Variants in ENOX2 observed in about 807,000 individuals in gnomAD.
ENOX2 encodes the protein ecto-NOX disulfide-thiol exchanger 2, also known as APK1 antigen.
ENOX2 carries 36 observed loss-of-function variants against 45.0 expected under a neutral mutation model. The observed-to-expected ratio is 0.80, with a 90% CI of 0.61 to 1.06. The LOEUF (loss-of-function observed/expected upper bound fraction) is 1.06. ENOX2 is among the 50% of genes least tolerant of loss of function. The pLI is 0.00. For missense variants in ENOX2, 423 were observed against 462.5 expected, an observed-to-expected ratio of 0.91 and a Z score of 0.78; for synonymous variants, 174 against 152.3, an observed-to-expected ratio of 1.14 and a Z score of -1.05.
intron 2 of ENOX2, among the ~76,000 whole-genome samples, chrX:130,843,040 C>T (rs2078040992): frequency 9.0e-6 from 1 of 111,593 alleles, no homozygotes; most frequent in Non-Finnish European, 1.9e-5. Flanking sequence ...CAGATTAGCT[C>T]TAGGTGGCCC....
At chrX:130,747,348 G>C (rs2039120781) in intron 3 of ENOX2, among the ~76,000 whole-genome samples, 1 of 110,561 alleles carries the variant, frequency 9.0e-6, no homozygotes, top group Non-Finnish European at 1.9e-5. Context: ...ATTTATATGA[G>C]AAATGGCCTT....
chrX:130,759,170 G>A (rs1480037339), intron 3 of ENOX2, among the ~76,000 whole-genome samples: 2 of 110,743 alleles, frequency 1.8e-5, no homozygotes, highest in Non-Finnish European at 3.8e-5. Context: ...TTCTCTAAAA[G>A]TTTTATAATT....
chrX:130,767,521 A>C (rs2039645427), intron 3 of ENOX2, among the ~76,000 whole-genome samples: 1 of 112,282 alleles, frequency 8.9e-6, no homozygotes. Flanking sequence ...CCTACTATGC[A>C]TGTAGCACTG....
intron 5 of ENOX2, among the ~76,000 whole-genome samples, chrX:130,679,952 T>G (rs1242158728): frequency 8.9e-6 from 1 of 111,852 alleles, no homozygotes; most frequent in Non-Finnish European, 1.9e-5. Flanking sequence ...TTGCTGACCA[T>G]GATATCTGGA....
At chrX:130,643,255 C>A (rs1367486665) in intron 10 of ENOX2, among the ~76,000 whole-genome samples, 3 of 109,862 alleles carry the variant, frequency 2.7e-5, no homozygotes, top group African/African-American at 1.0e-4. Context: ...ATACAAAAGG[C>A]AGAACAATGG....
intron 2 of ENOX2, among the ~76,000 whole-genome samples, chrX:130,836,224 T>C (rs1268257042): frequency 8.9e-6 from 1 of 111,990 alleles, no homozygotes; most frequent in Non-Finnish European, 1.9e-5. Context: ...TTTCTAATAA[T>C]AAAAGTCTCA....
intron 5 of ENOX2, among the ~76,000 whole-genome samples, chrX:130,683,441 CTCTT>C (rs2037362442): frequency 8.9e-6 from 1 of 112,207 alleles, no homozygotes; most frequent in Non-Finnish European, 1.9e-5. Flanking sequence ...TTCTCTAACT[CTCTT>C]TATAGCATTC....
At chrX:130,697,574 G>A (rs2037794947) in intron 4 of ENOX2, among the ~76,000 whole-genome samples, 1 of 111,897 alleles carries the variant, frequency 8.9e-6, no homozygotes. Context: ...GTTGGATTAG[G>A]GAGAGAATGG....
intron 2 of ENOX2, among the ~76,000 whole-genome samples, chrX:130,814,544 A>C (rs970231880): frequency 8.9e-6 from 1 of 111,746 alleles, no homozygotes; most frequent in Non-Finnish European, 1.9e-5. Flanking sequence ...CTTCAAAAGG[A>C]AAAAAGAGGC....
At chrX:130,632,063 A>G (rs1276012054) in intron 12 of ENOX2, among the ~76,000 whole-genome samples, 1 of 111,290 alleles carries the variant, frequency 9.0e-6, no homozygotes, top group East Asian at 2.8e-4. Context: ...TGTTAATGGT[A>G]AGTCCCATCT....
chrX:130,841,428 C>T (rs2078012310), intron 2 of ENOX2, among the ~76,000 whole-genome samples: 1 of 111,683 alleles, frequency 9.0e-6, no homozygotes, highest in Admixed American at 9.5e-5. Flanking sequence ...GGACCAGGCT[C>T]GCTTCCCACC....
chrX:130,669,557 G>A (rs908014619), intron 7 of ENOX2, among the ~76,000 whole-genome samples: 3 of 111,779 alleles, frequency 2.7e-5, no homozygotes, highest in Non-Finnish European at 5.6e-5. Context: ...AGTTTTTCAG[G>A]ATCACATCAA....
chrX:130,893,366 C>T (rs375566623), intron 2 of ENOX2, among the ~76,000 whole-genome samples: 1 of 111,554 alleles, frequency 9.0e-6, no homozygotes, highest in African/African-American at 3.3e-5. Flanking sequence ...ATATTGGGGG[C>T]CTACTATATG....
chrX:130,650,388 C>T (rs1329760139), intron 10 of ENOX2, among the ~76,000 whole-genome samples: 1 of 111,556 alleles, frequency 9.0e-6, no homozygotes, highest in Non-Finnish European at 1.9e-5. Context: ...AATGTGATCA[C>T]CTGTAATGCT....
chrX:130,859,912 GC>G (rs1162320199), intron 2 of ENOX2, among the ~76,000 whole-genome samples: 3 of 110,820 alleles, frequency 2.7e-5, no homozygotes, highest in Admixed American at 9.6e-5. Flanking sequence ...CTGCTCACTG[GC>G]CATTCTTTCT....
intron 2 of ENOX2, among the ~76,000 whole-genome samples, chrX:130,886,549 A>G (rs747474196): frequency 4.4e-5 from 5 of 112,423 alleles, no homozygotes; most frequent in African/African-American, 1.6e-4. Context: ...TGTTTCTGAA[A>G]GCTTAAGAGA....
intron 3 of ENOX2, among the ~76,000 whole-genome samples, chrX:130,705,863 C>T (rs1285236388): frequency 1.8e-5 from 2 of 111,594 alleles, no homozygotes; most frequent in East Asian, 5.7e-4. Context: ...AGCACACCAG[C>T]AGGACTCTGG....
At chrX:130,804,227 TAAACCTC>T (rs746726575) in intron 2 of ENOX2, among the ~76,000 whole-genome samples, 17 of 112,335 alleles carry the variant, frequency 1.5e-4, no homozygotes, top group Admixed American at 1.5e-3. Context: ...AGACTTGACT[TAAACCTC>T]AAACCTCTAA....
chrX:130,809,427 G>A (rs147786414), intron 2 of ENOX2, among the ~76,000 whole-genome samples: 73 of 112,112 alleles, frequency 6.5e-4, no homozygotes, highest in African/African-American at 2.3e-3. Flanking sequence ...CACTACTATA[G>A]TACTGGATTC....
Sources: gnomAD v4.1 joint callset for allele counts (sites outside exome capture counted in the v4.1 genomes callset) on GRCh38, gnomAD v4.1.1 for gene constraint, MANE v1.5 for transcripts, NCBI Gene and HGNC (gene_info 2026-07-23, HGNC 2026-07-21) for gene names.